Variants in CXCL13 observed in about 807,000 individuals in gnomAD.
CXCL13 encodes C-X-C motif chemokine ligand 13.
Under a neutral mutation model 12.2 loss-of-function variants are expected in CXCL13, and 7 were observed. The ratio of observed to expected loss-of-function variants is 0.57; its 90% CI spans 0.33 to 1.07. The LOEUF is 1.07. CXCL13 is among the 50% of genes least tolerant of loss of function. The pLI, the probability that CXCL13 is intolerant of heterozygous loss-of-function variation, is 0.04. For missense variants in CXCL13, 113 were observed against 127.4 expected (o/e 0.89, Z 0.55); for synonymous variants, 47 against 42.4 (o/e 1.11, Z -0.42).
At chr4:77,577,588 G>A (rs1189466366) in intron 1 of CXCL13, among the ~76,000 whole-genome samples, 1 of 152,148 alleles carries the variant, frequency 6.6e-6, no homozygotes, top group Non-Finnish European at 1.5e-5. Context: ...AAATACTATT[G>A]ACAGCAGTGG....
At chr4:77,534,162 G>A (rs1397337844) in intron 1 of CXCL13, among the ~76,000 whole-genome samples, 5 of 152,064 alleles carry the variant, frequency 3.3e-5, no homozygotes, top group Admixed American at 1.3e-4. Context: ...GTTCCTATTC[G>A]ACCATCTTGG....
chr4:77,585,862 A>G (rs1277383652), intron 1 of CXCL13, among the ~76,000 whole-genome samples: 2 of 152,292 alleles, frequency 1.3e-5, no homozygotes, highest in East Asian at 3.9e-4. Context: ...GAGGGATGAA[A>G]TCTACACTTG....
intron 1 of CXCL13, among the ~76,000 whole-genome samples, chr4:77,514,567 C>T (rs1314846639): frequency 6.8e-6 from 1 of 147,012 alleles, no homozygotes; most frequent in Admixed American, 6.9e-5. Flanking sequence ...TGATGGTGAG[C>T]ATTTTTTCAT....
intron 2 of CXCL13, among the ~76,000 whole-genome samples, chr4:77,608,766 C>T (rs1727069440): frequency 3.9e-5 from 6 of 152,232 alleles, no homozygotes; most frequent in Admixed American, 3.9e-4. Flanking sequence ...TAATGTCTAA[C>T]TAAACTACAA....
In CXCL13 at chr4:77,519,111, T is replaced by C. The variant is rs531260887; in HGVS notation, c.-43+7323T>C. 7.2e-5 allele frequency among the ~76,000 whole-genome samples: 11 copies of C among 152,306 alleles called. No individual in the cohort carries two copies. In the South Asian group the frequency reaches 2.1e-3, roughly 29 times the overall value. ...AGCGGTGTCTGCAGAGCAGTGGTTT[T>C]TTGTGAACCGTGAATGCTGCTGTCT... On this transcript the variant is annotated intron_variant, in intron 1 of 4. Transcript: ENST00000286758.
chr4:77,535,844 G>C (rs1010326316), intron 1 of CXCL13, among the ~76,000 whole-genome samples: 4 of 152,142 alleles, frequency 2.6e-5, no homozygotes, highest in African/African-American at 9.7e-5. Context: ...TTCAGCATTT[G>C]AGTGCCAGAT....
rs538694135 is a variant in CXCL13 at position 77,534,055 on chromosome 4, C to T, written c.-43+22267C>T. ...CACCCTCTGTCCTGCACCCACTTTC[C>T]GACACTCCCCAGTGAGATGAACCTG... On this transcript the variant is annotated intron_variant, in intron 1 of 4. Coordinates refer to the CXCL13 transcript ENST00000286758. Among the ~76,000 whole-genome samples, 125 of 152,292 alleles carry T rather than the reference C, an allele frequency of 8.2e-4. 1 individual carries two copies. In the South Asian group the frequency reaches 9.5e-3, roughly 12 times the overall value.
intron 1 of CXCL13, among the ~76,000 whole-genome samples, chr4:77,580,018 T>C (rs1399951937): frequency 2.0e-5 from 3 of 152,132 alleles, no homozygotes; most frequent in Non-Finnish European, 2.9e-5. Flanking sequence ...ACCACTGATA[T>C]AGCCAAACTG....
chr4:77,518,952 A>G (rs1724501543), intron 1 of CXCL13, among the ~76,000 whole-genome samples: 1 of 152,060 alleles, frequency 6.6e-6, no homozygotes, highest in African/African-American at 2.4e-5. Context: ...GATGATGGTG[A>G]TGTACAGATA....
At chr4:77,512,915 C>G (rs1008610468) in intron 1 of CXCL13, among the ~76,000 whole-genome samples, 1 of 152,092 alleles carries the variant, frequency 6.6e-6, no homozygotes, top group Non-Finnish European at 1.5e-5. Context: ...TCTCCTAATG[C>G]TATACCTCAC....
At chr4:77,518,432 C>T (rs1392304399) in intron 1 of CXCL13, among the ~76,000 whole-genome samples, 2 of 152,200 alleles carry the variant, frequency 1.3e-5, no homozygotes, top group Non-Finnish European at 2.9e-5. Context: ...TCAGGTACAC[C>T]AATGAGATGT....
chr4:77,520,994 G>A (rs371288252), intron 1 of CXCL13, among the ~76,000 whole-genome samples: 9 of 152,266 alleles, frequency 5.9e-5, no homozygotes, highest in East Asian at 1.9e-4. Flanking sequence ...TTTGTCACTG[G>A]TTCTGTGTAT....
intron 1 of CXCL13, among the ~76,000 whole-genome samples, chr4:77,555,065 G>A (rs1725630302): frequency 6.6e-6 from 1 of 151,026 alleles, no homozygotes; most frequent in African/African-American, 2.4e-5. Flanking sequence ...GTAAGTAGAA[G>A]GTAAGAAATA....
chr4:77,513,474 C>T (rs556994979), intron 1 of CXCL13, among the ~76,000 whole-genome samples: 14 of 149,580 alleles, frequency 9.4e-5, no homozygotes, highest in South Asian at 2.1e-4. Context: ...TTTTTTGAGA[C>T]GGAGTCTCAC....
At chr4:77,523,229 G>C (rs1451935642) in intron 1 of CXCL13, among the ~76,000 whole-genome samples, 1 of 152,142 alleles carries the variant, frequency 6.6e-6, no homozygotes, top group African/African-American at 2.4e-5. Flanking sequence ...GGTGTTGTCT[G>C]TATTTCAGGA....
chr4:77,570,241 T>G (rs1036823479), intron 1 of CXCL13, among the ~76,000 whole-genome samples: 10 of 152,206 alleles, frequency 6.6e-5, no homozygotes, highest in Non-Finnish European at 2.9e-5. Flanking sequence ...CAAAAGCAAT[T>G]GCAACAAAAG....
At chr4:77,580,078 G>A (rs1726280760) in intron 1 of CXCL13, among the ~76,000 whole-genome samples, 1 of 151,950 alleles carries the variant, frequency 6.6e-6, no homozygotes, top group African/African-American at 2.4e-5. Context: ...TTAAAACTAA[G>A]GGCTCTTGAC....
Position 77,552,029 on chromosome 4 carries a change from G to T in CXCL13, c.-43+40241G>T, listed in dbSNP as rs115415810. On this transcript the variant is annotated intron_variant, in intron 1 of 4. Coordinates refer to the CXCL13 transcript ENST00000286758. ...TTGTGTTGATTTTCAACCTTATCTT[G>T]TATCTCATTGAACTTCCTAACAATC... Among the ~76,000 whole-genome samples, 836 of 151,870 alleles carry T rather than the reference G, an allele frequency of 5.5e-3. 8 individuals are homozygous for T. The highest frequency in any genetic ancestry group is 0.018 in the African/African-American group (736 of 41,400).
intron 1 of CXCL13, among the ~76,000 whole-genome samples, chr4:77,563,912 T>A (rs1350135061): frequency 6.6e-6 from 1 of 152,210 alleles, no homozygotes; most frequent in Non-Finnish European, 1.5e-5. Flanking sequence ...GTAAATGAAG[T>A]ATCTCATCCT....
Sources: allele counts gnomAD v4.1 joint callset (sites outside exome capture counted in the v4.1 genomes callset), GRCh38; gene constraint gnomAD v4.1.1; transcripts MANE v1.5; gene names NCBI Gene and HGNC (gene_info 2026-07-23, HGNC 2026-07-21).